Variants in ERAP1 observed in about 807,000 individuals in gnomAD.
ERAP1 encodes the protein adipocyte-derived leucine aminopeptidase.
In ERAP1, 86 loss-of-function variants were observed where a neutral mutation model predicts 103.7. The ratio of observed to expected loss-of-function variants is 0.83; its 90% CI spans 0.70 to 0.99. ERAP1 has a LOEUF of 0.99. Ranked by LOEUF, ERAP1 falls within the 50% of genes least tolerant of loss-of-function variation. The pLI, the probability that ERAP1 is intolerant of heterozygous loss-of-function variation, is 0.00. For synonymous variants in ERAP1, 398 were observed against 402.4 expected, an observed-to-expected ratio of 0.99 and a Z score of 0.13; for missense variants, 1,009 against 1,128.4, an observed-to-expected ratio of 0.89 and a Z score of 1.52.
At chr5:96,874,782 T>C in the ERAP1 span, among the ~76,000 whole-genome samples, 3 of 152,218 alleles carry the variant, frequency 2.0e-5, no homozygotes, top group Non-Finnish European at 2.9e-5. Context: ...TGGCAACATG[T>C]GCTATTGGGC....
chr5:96,808,041 A>T, upstream of ERAP1: 1 of 985,414 alleles, frequency 1.0e-6, no homozygotes, highest in Non-Finnish European at 1.2e-6. Context: ...GAGCTGGGGA[A>T]AGGGTAAACG....
chr5:96,835,723 G>T, the ERAP1 span, among the ~76,000 whole-genome samples: 2 of 152,108 alleles, frequency 1.3e-5, no homozygotes, highest in Non-Finnish European at 2.9e-5. Context: ...CCTTCAAAAA[G>T]CCAGCAGTAC....
the ERAP1 span, among the ~76,000 whole-genome samples, chr5:96,872,393 G>C: frequency 6.6e-6 from 1 of 150,704 alleles, no homozygotes; most frequent in East Asian, 1.9e-4. Context: ...GAGCTCAGGA[G>C]TTCGAAATCA....
At chr5:96,918,852 GC>G in the ERAP1 span, 1 of 152,136 alleles carries the variant, frequency 6.6e-6, no homozygotes, top group Non-Finnish European at 1.5e-5. Context: ...TTATAACCCA[GC>G]TTTAGCATTT....
At chr5:96,856,349 AATATAT>A in the ERAP1 span, among the ~76,000 whole-genome samples, 3 of 8,538 alleles carry the variant, frequency 3.5e-4, no homozygotes, top group Non-Finnish European at 6.8e-4. Context: ...AAAAAAAAAA[AATATAT>A]ATATATATAT....
At chr5:96,809,170 G>T (rs1276453986), upstream of ERAP1, among the ~76,000 whole-genome samples, 1 of 152,194 alleles carries the variant, frequency 6.6e-6, no homozygotes, top group Non-Finnish European at 1.5e-5. Flanking sequence ...TCCTGGTTTT[G>T]GTGGGTTTTG....
chr5:96,881,575 G>T, the ERAP1 span: 1 of 441,424 alleles, frequency 2.3e-6, no homozygotes, highest in South Asian at 1.6e-5. Context: ...AACCACACAG[G>T]GGCATATTTT....
the ERAP1 span, chr5:96,876,026 G>C: frequency 0.035 from 5,313 of 152,516 alleles, 128 homozygotes; most frequent in Middle Eastern, 0.11. Flanking sequence ...GGTGGTTACA[G>C]ACATGGAAAA....
intron 18 of ERAP1, among the ~76,000 whole-genome samples, chr5:96,777,353 A>G (rs1190123531): frequency 6.6e-6 from 1 of 152,194 alleles, no homozygotes; most frequent in East Asian, 1.9e-4. Flanking sequence ...GTATTCAGGA[A>G]GCGAATGTAG....
chr5:96,923,277 T>C, the ERAP1 span, among the ~76,000 whole-genome samples: 1 of 152,182 alleles, frequency 6.6e-6, no homozygotes, highest in African/African-American at 2.4e-5. Flanking sequence ...TCCTGGCTGT[T>C]TGGATTTTAA....
At chr5:96,878,694 G>A in the ERAP1 span, among the ~76,000 whole-genome samples, 16 of 152,146 alleles carry the variant, frequency 1.1e-4, no homozygotes, top group African/African-American at 3.4e-4. Flanking sequence ...TTGGGAGGCT[G>A]AGGCAAGTGG....
chr5:96,803,257 AT>A, intron 2 of ERAP1, 145 bp downstream of exon 2: 1 of 763,256 alleles, frequency 1.3e-6, no homozygotes, highest in South Asian at 1.9e-5. Context: ...GGAAAAAGCC[AT>A]TTTTAACACT....
intron 11 of ERAP1, among the ~76,000 whole-genome samples, chr5:96,787,442 T>C (rs1426205747): frequency 6.6e-6 from 1 of 152,088 alleles, no homozygotes; most frequent in Non-Finnish European, 1.5e-5. Context: ...ATTTTTGTAT[T>C]TTTAGTAGAG....
chr5:96,865,382 T>C, the ERAP1 span, among the ~76,000 whole-genome samples: 1 of 152,298 alleles, frequency 6.6e-6, no homozygotes, highest in East Asian at 1.9e-4. Flanking sequence ...GTTCCAATTG[T>C]AAATATGTGT....
At chr5:96,772,829 T>C (rs537295743), downstream of ERAP1, 40 of 153,072 alleles carry the variant, frequency 2.6e-4, no homozygotes, top group Non-Finnish European at 4.4e-4. Context: ...GTGTACTGAG[T>C]ATTGATAAAC....
chr5:96,914,998 AT>A, the ERAP1 span, among the ~76,000 whole-genome samples: 5 of 151,812 alleles, frequency 3.3e-5, no homozygotes, highest in African/African-American at 7.3e-5. Flanking sequence ...TATGCATATA[AT>A]TTTTTTTAAT....
At chr5:96,916,771 T>G in the ERAP1 span, among the ~76,000 whole-genome samples, 4 of 151,364 alleles carry the variant, frequency 2.6e-5, no homozygotes, top group African/African-American at 9.7e-5. Context: ...CTATCTTTTT[T>G]TTTTTTTTAA....
chr5:96,922,171 T>G, the ERAP1 span, among the ~76,000 whole-genome samples: 1 of 151,938 alleles, frequency 6.6e-6, no homozygotes, highest in East Asian at 1.9e-4. Flanking sequence ...GGTGGCAGGC[T>G]CTTGTAGTCC....
intron 4 of ERAP1, among the ~76,000 whole-genome samples, chr5:96,795,889 G>T (rs1296897811): frequency 6.6e-6 from 1 of 152,060 alleles, no homozygotes; most frequent in African/African-American, 2.4e-5. Flanking sequence ...GATACACAAA[G>T]AATTCAGATA....
Sources: gnomAD v4.1 joint callset for allele counts (sites outside exome capture counted in the v4.1 genomes callset) on GRCh38, gnomAD v4.1.1 for gene constraint, MANE v1.5 for transcripts, NCBI Gene and HGNC (gene_info 2026-07-23, HGNC 2026-07-21) for gene names.